Variants in CREB3L2 observed in about 807,000 individuals in gnomAD.
The protein encoded by CREB3L2 is cyclic AMP-responsive element-binding protein 3-like protein 2.
Under a neutral mutation model 57.2 loss-of-function variants are expected in CREB3L2, and 23 were observed. The observed-to-expected ratio is 0.40, with a 90% CI of 0.29 to 0.57. CREB3L2 has a LOEUF of 0.57. Ranked by LOEUF, CREB3L2 falls within the 20% of genes least tolerant of loss-of-function variation. The pLI, the probability that CREB3L2 is intolerant of heterozygous loss-of-function variation, is 0.42. For missense variants in CREB3L2, 628 were observed against 634.7 expected (o/e 0.99, Z 0.11); for synonymous variants, 268 against 265.1 (o/e 1.01, Z -0.11).
At chr7:137,884,045 G>A (rs182479951) in intron 10 of CREB3L2, among the ~76,000 whole-genome samples, 122 of 152,256 alleles carry the variant, frequency 8.0e-4, no homozygotes, top group East Asian at 1.2e-3. Context: ...TTGCTCTGCC[G>A]CCCAGGCTGG....
At chr7:137,891,955 A>AT (rs1027249213) in intron 8 of CREB3L2, among the ~76,000 whole-genome samples, 2 of 152,022 alleles carry the variant, frequency 1.3e-5, no homozygotes, top group African/African-American at 4.8e-5. Flanking sequence ...GGGTGCACAT[A>AT]TGTGTGTGTG....
At chr7:137,929,951 G>A (rs910380459) in intron 1 of CREB3L2, among the ~76,000 whole-genome samples, 37 of 150,870 alleles carry the variant, frequency 2.5e-4, no homozygotes, top group African/African-American at 8.0e-4. Context: ...AGGCTGGAGT[G>A]CAATGGCGCG....
chr7:137,940,119 T>C (rs756278697), intron 1 of CREB3L2, among the ~76,000 whole-genome samples: 1 of 152,196 alleles, frequency 6.6e-6, no homozygotes, highest in Non-Finnish European at 1.5e-5. Flanking sequence ...GGAGGGTTTT[T>C]TGGTCAGACT....
chr7:137,885,236 C>T, intron 9 of CREB3L2, 115 bp from the exon 10 acceptor site: 20 of 1,285,226 alleles, frequency 1.6e-5, no homozygotes, highest in Non-Finnish European at 2.0e-5. Flanking sequence ...GTGGACTGCA[C>T]CCACCAGTCA....
intron 1 of CREB3L2, among the ~76,000 whole-genome samples, chr7:137,989,744 G>C (rs921637148): frequency 1.3e-5 from 2 of 152,132 alleles, no homozygotes; most frequent in Non-Finnish European, 2.9e-5. Flanking sequence ...GTGCCTGAAA[G>C]TGAACTCATT....
intron 8 of CREB3L2, among the ~76,000 whole-genome samples, chr7:137,898,980 GA>G (rs1799682982): frequency 6.7e-6 from 1 of 148,346 alleles, no homozygotes. Context: ...AGGAAGGAAG[GA>G]AGGAAGGAGG....
intron 1 of CREB3L2, among the ~76,000 whole-genome samples, chr7:137,993,610 C>T (rs960112749): frequency 3.3e-5 from 5 of 152,180 alleles, no homozygotes; most frequent in Non-Finnish European, 5.9e-5. Flanking sequence ...AACTCAACCT[C>T]CTGGGCTCAA....
rs35545175 is a variant in CREB3L2 at position 137,897,784 on chromosome 7, C to T, written c.1043+3570G>A. On this transcript the variant is annotated intron_variant, in intron 8 of 11. Coordinates refer to ENST00000330387, the MANE Select transcript of CREB3L2 (RefSeq NM_194071.4). The stretch of plus-strand genomic sequence containing the variant: ...AGTATGTACAATATAAATACATACA[C>T]ATAAGATATTCCAAAACATAAAGAT... Among the ~76,000 whole-genome samples, 941 of 152,266 alleles carry T rather than the reference C, an allele frequency of 6.2e-3. 7 individuals are homozygous for T. The highest frequency in any genetic ancestry group is 9.4e-3 in the Non-Finnish European group (637 of 68,020).
intron 1 of CREB3L2, among the ~76,000 whole-genome samples, chr7:137,985,517 C>A (rs1260704795): frequency 6.6e-6 from 1 of 152,172 alleles, no homozygotes; most frequent in African/African-American, 2.4e-5. Context: ...CTGCTCAGTG[C>A]CATCCTGCTG....
At chr7:137,939,990 C>T (rs952506963) in intron 1 of CREB3L2, among the ~76,000 whole-genome samples, 1 of 152,216 alleles carries the variant, frequency 6.6e-6, no homozygotes, top group Non-Finnish European at 1.5e-5. Context: ...TTTCTTACTA[C>T]CCAGTTAAAT....
rs1554495255 is a variant in CREB3L2, at chr7:137,901,888, A to AAAAG, written c.975-467_975-466insCTTT. On this transcript the variant is annotated intron_variant, in intron 7 of 11. Coordinates refer to ENST00000330387, the MANE Select transcript of CREB3L2 (RefSeq NM_194071.4). ...AAGATCTGTCTCAAAAAAAAAAAAA[A>AAAAG]AAAAGAAAAATAGAAGGAGCTGGGG... 4.4e-4 allele frequency among the ~76,000 whole-genome samples: 66 copies of AAAAG among 149,146 alleles called. 1 individual carries two copies. The highest frequency in any genetic ancestry group is 1.6e-3 in the African/African-American group (66 of 40,190).
At chr7:137,992,784 T>C (rs548842678) in intron 1 of CREB3L2, among the ~76,000 whole-genome samples, 2 of 152,296 alleles carry the variant, frequency 1.3e-5, no homozygotes, top group East Asian at 3.9e-4. Flanking sequence ...AAACGAGTTA[T>C]GAGACAATCC....
At chr7:137,972,139 G>C (rs1274688951) in intron 1 of CREB3L2, among the ~76,000 whole-genome samples, 1 of 152,080 alleles carries the variant, frequency 6.6e-6, no homozygotes, top group African/African-American at 2.4e-5. Flanking sequence ...GTCTTGGCTG[G>C]GCGCAGTGGC....
intron 4 of CREB3L2, among the ~76,000 whole-genome samples, chr7:137,908,845 T>C (rs1298710527): frequency 2.0e-5 from 3 of 151,992 alleles, no homozygotes; most frequent in Admixed American, 2.0e-4. Flanking sequence ...TGGTGGCACG[T>C]GCCTATAATC....
At chr7:137,970,386 C>A (rs1335764211) in intron 1 of CREB3L2, among the ~76,000 whole-genome samples, 1 of 152,178 alleles carries the variant, frequency 6.6e-6, no homozygotes, top group Non-Finnish European at 1.5e-5. Context: ...AGAAAGATGG[C>A]ATGTGCCAAA....
intron 9 of CREB3L2, 140 bp downstream of exon 9, chr7:137,885,263 C>T: frequency 8.5e-7 from 1 of 1,170,406 alleles, no homozygotes; most frequent in Non-Finnish European, 1.2e-6. Flanking sequence ...CAGAGTGCCT[C>T]ACCGAGGAAC....
At chr7:137,990,350 C>G (rs552391598) in intron 1 of CREB3L2, among the ~76,000 whole-genome samples, 14 of 152,324 alleles carry the variant, frequency 9.2e-5, no homozygotes, top group Middle Eastern at 3.4e-3. Context: ...CTCTTCACCC[C>G]CTTCAGATTT....
chr7:137,977,867 A>C (rs1290806235), intron 1 of CREB3L2, among the ~76,000 whole-genome samples: 1 of 151,292 alleles, frequency 6.6e-6, no homozygotes, highest in Non-Finnish European at 1.5e-5. Flanking sequence ...GTTGCAGTGA[A>C]CCGAGATCAT....
chr7:137,922,438 GTATATATATATATATACACACA>G (rs1800341110), intron 2 of CREB3L2, among the ~76,000 whole-genome samples: 1 of 10,010 alleles, frequency 1.0e-4, no homozygotes, highest in African/African-American at 3.9e-4. Flanking sequence ...ATATATATAC[GTATATATATATATATACACACA>G]TATATATATA....
Sources: gnomAD v4.1 joint callset for allele counts (sites outside exome capture counted in the v4.1 genomes callset) on GRCh38, gnomAD v4.1.1 for gene constraint, MANE v1.5 for transcripts, NCBI Gene and HGNC (gene_info 2026-07-23, HGNC 2026-07-21) for gene names.